CAGE1: variants seen among roughly 807,000 people sequenced by gnomAD.
CAGE1 encodes cancer antigen 1.
Under a neutral mutation model 94.9 loss-of-function variants are expected in CAGE1, and 66 were observed. That is an observed-to-expected ratio of 0.70 (90% CI 0.57 to 0.85). The LOEUF (loss-of-function observed/expected upper bound fraction) is 0.85. CAGE1 is among the 40% of genes least tolerant of loss of function. CAGE1 has a pLI of 0.00. For missense variants in CAGE1, 865 were observed against 950.4 expected (o/e 0.91, Z 1.18); for synonymous variants, 319 against 321.0 (o/e 0.99, Z 0.07).
In CAGE1 at chr6:7,344,453, GCAGGGCAGGATT is replaced by G. The variant is rs1277217825; in HGVS notation, c.2370-10375_2370-10364del. Among the ~76,000 whole-genome samples the G allele has an allele frequency of 1.1e-4, 17 of 152,352 alleles. 1 individual carries two copies. The East Asian group carries it at 3.3e-3, about 29-fold the overall frequency. ...CTCACCGTGCCTTAGCTGCCTTCCC[GCAGGGCAGGATT>G]CGGGACCTACAGCCCGCCATGCCTG... On this transcript the variant is annotated intron_variant, in intron 11 of 13. Coordinates refer to ENST00000502583, the MANE Select transcript of CAGE1 (RefSeq NM_001170692.2).
intron 11 of CAGE1, among the ~76,000 whole-genome samples, chr6:7,334,970 C>A (rs1758899823): frequency 6.6e-6 from 1 of 152,156 alleles, no homozygotes; most frequent in South Asian, 2.1e-4. Context: ...CTTCACCGGC[C>A]TGAAATCAAG....
chr6:7,345,127 C>T (rs575171710), intron 11 of CAGE1, among the ~76,000 whole-genome samples: 2 of 41,604 alleles, frequency 4.8e-5, no homozygotes, highest in Admixed American at 2.7e-4. Context: ...CTCTTTAGAT[C>T]CATATTGCTT....
chr6:7,353,719 A>G (rs1034768894), intron 11 of CAGE1, among the ~76,000 whole-genome samples: 3 of 151,626 alleles, frequency 2.0e-5, no homozygotes, highest in Admixed American at 2.0e-4. Flanking sequence ...ACACACACAC[A>G]CACACACACA....
chr6:7,368,999 T>A (rs1197824447), intron 6 of CAGE1, among the ~76,000 whole-genome samples: 1 of 145,892 alleles, frequency 6.9e-6, no homozygotes, highest in African/African-American at 2.5e-5. Flanking sequence ...GATTTCATTT[T>A]TTTTATTTTA....
intron 9 of CAGE1, among the ~76,000 whole-genome samples, chr6:7,361,005 T>C (rs1009484383): frequency 2.0e-5 from 3 of 151,926 alleles, no homozygotes; most frequent in African/African-American, 7.3e-5. Context: ...CCAGAATATA[T>C]AGAGCAGGTG....
intron 10 of CAGE1, among the ~76,000 whole-genome samples, chr6:7,355,767 C>T (rs557883855): frequency 2.0e-5 from 3 of 152,220 alleles, no homozygotes; most frequent in East Asian, 1.9e-4. Context: ...TTTGGGAGGC[C>T]GAGGCAGAAG....
chr6:7,378,902 A>T lies in CAGE1; in HGVS notation c.402T>A (p.Asp134Glu). Residue 134 changes from aspartate (D) to glutamate (E), a missense_variant, in exon 4 of 14, where the codon GAT becomes GAA. Physicochemically the swap from Asp to Glu is conservative, Grantham distance 45 (BLOSUM62 2). Coordinates refer to ENST00000502583, the MANE Select transcript of CAGE1 (RefSeq NM_001170692.2). Reference sequence around the variant, plus strand: ...ATTCTGGCTTCTCTGTCATTTCATCATCAAATGCTTCTACCCAGTGAAATT... The same window carrying T: ...ATTCTGGCTTCTCTGTCATTTCATCTTCAAATGCTTCTACCCAGTGAAATT... ...VCKFHWVEAFDDEMTEKPEFQ... is the reference protein window; with the variant it reads ...VCKFHWVEAFEDEMTEKPEFQ... 1 of 1,608,998 alleles carries T rather than the reference A, an allele frequency of 6.2e-7. No individual in the cohort carries two copies.
chr6:7,342,685 A>G (rs1272371435), intron 11 of CAGE1, among the ~76,000 whole-genome samples: 2 of 152,128 alleles, frequency 1.3e-5, no homozygotes, highest in Non-Finnish European at 2.9e-5. Flanking sequence ...TTTTTGTTGC[A>G]TTTGCTTTTG....
At chr6:7,334,725 CAAA>C (rs58790989) in intron 11 of CAGE1, among the ~76,000 whole-genome samples, 5 of 67,890 alleles carry the variant, frequency 7.4e-5, no homozygotes, top group African/African-American at 8.2e-5. Flanking sequence ...GACTCTCTCT[CAAA>C]AAAAAAAAAA....
chr6:7,333,628 ATC>A lies in CAGE1; in HGVS notation c.2438+392_2438+393del, dbSNP rs1561846016. Among the ~76,000 whole-genome samples, 88 of 67,766 alleles carry A rather than the reference ATC, an allele frequency of 1.3e-3. 1 individual carries two copies. Among genetic ancestry groups the A allele is most frequent in the Middle Eastern group, 6.7e-3 (1 of 150 alleles). The allele number at this position is 67,766 out of a possible 152,430, so 44.5% of individuals were successfully genotyped here. A position where few individuals can be genotyped will look rare whatever the true frequency, so the allele number is the denominator to read the frequency against. On this transcript the variant is annotated intron_variant, in intron 12 of 13. Coordinates refer to ENST00000502583, the MANE Select transcript of CAGE1 (RefSeq NM_001170692.2). Reference sequence around the variant, plus strand: ...TTTTTTTTTTAAGTATTATCTAACTATCTATCTAACTATCTATATATATATAT... The same window carrying A: ...TTTTTTTTTTAAGTATTATCTAACTATATCTAACTATCTATATATATATAT...
rs1416134932 is a variant in CAGE1, at chr6:7,389,239, C to T, written c.-61G>A. On this transcript the variant is annotated 5_prime_UTR_variant, in exon 1 of 14. Coordinates refer to ENST00000502583, the MANE Select transcript of CAGE1 (RefSeq NM_001170692.2). ...CACTTATCTCATTCATTTTTCACCT[C>T]AAAACGAGACACCAAACTTTTTAAG... The T allele has an allele frequency of 2.2e-6, 1 of 456,196 alleles. No individual in the cohort carries two copies. The highest frequency in any genetic ancestry group is 1.5e-5 in the South Asian group (1 of 64,574). The allele number at this position is 456,196 out of a possible 1,614,324, so 28.3% of individuals were successfully genotyped here. A position where few individuals can be genotyped will look rare whatever the true frequency, so the allele number is the denominator to read the frequency against.
rs1387465918 is a variant in CAGE1 at position 7,389,350 on chromosome 6, T to C, written c.-172A>G. The C allele has an allele frequency of 6.6e-6, 3 of 456,154 alleles. No homozygotes were observed. The East Asian group carries it at 2.1e-4, about 32-fold the overall frequency. 28.3% of individuals were successfully genotyped at this position (456,154 alleles called of 1,614,324 possible). On this transcript the variant is annotated 5_prime_UTR_variant, in exon 1 of 14. Transcript: ENST00000502583. ...CTCTCCCTCCCTCTGCACCGGGTTT[T>C]GTGGGAGGGAGAACGCTTTCCAACC...
In CAGE1 at chr6:7,356,096, C is replaced by T. The variant is rs1340819828; in HGVS notation, c.2227G>A (p.Glu743Lys). 2 of 1,549,944 alleles carry T rather than the reference C, an allele frequency of 1.3e-6. No homozygotes were observed. The highest frequency in any genetic ancestry group is 8.7e-7 in the Non-Finnish European group (1 of 1,145,398). The stretch of plus-strand genomic sequence containing the variant: ...TCAATGAGTCTGTTGCAGTGGTTTT[C>T]TTTTGACTCTAGGAGATGTCCCAGT... ...TKLGHLLESKENHCNRLIEEN... is the reference protein window; with the variant it reads ...TKLGHLLESKKNHCNRLIEEN... The change falls in exon 10 of 14, where the codon GAA becomes AAA. Residue 743 changes from glutamate (E) to lysine (K), a missense_variant. By Grantham distance (56) the Glu-to-Lys change is moderately conservative (BLOSUM62 1). Transcript: ENST00000502583.
rs70978961 is a variant in CAGE1, at chr6:7,367,278, A to ATTTTTTTTTTTTTTTTT, written c.2005-1395_2005-1394insAAAAAAAAAAAAAAAAA. Among the ~76,000 whole-genome samples, 36 of 111,190 alleles carry ATTTTTTTTTTTTTTTTT rather than the reference A, an allele frequency of 3.2e-4. 1 individual carries two copies. Among genetic ancestry groups the ATTTTTTTTTTTTTTTTT allele is most frequent in the South Asian group, 9.1e-4 (3 of 3,296 alleles). The allele number at this position is 111,190 out of a possible 152,430, so 72.9% of individuals were successfully genotyped here. A position where few individuals can be genotyped will look rare whatever the true frequency, so the allele number is the denominator to read the frequency against. On this transcript the variant is annotated intron_variant, in intron 7 of 13. Coordinates refer to ENST00000502583, the MANE Select transcript of CAGE1 (RefSeq NM_001170692.2). ...AATATCTGAAAGAAATATTTGGGGG[A>ATTTTTTTTTTTTTTTTT]TTTTTTTTTTTTTTTTGCTTTTTGT...
In CAGE1 at chr6:7,340,228, T is replaced by C. The variant is rs1045109480; in HGVS notation, c.2370-6138A>G. The stretch of plus-strand genomic sequence containing the variant: ...CCATTTCCATATCTTCTTTTAAGAA[T>C]TGTGTATTCATGTCCTTAGCCCACT... On this transcript the variant is annotated intron_variant, in intron 11 of 13. Transcript: ENST00000502583. Among the ~76,000 whole-genome samples the C allele has an allele frequency of 3.9e-5, 6 of 152,200 alleles. No homozygotes were observed. In the East Asian group the frequency reaches 5.8e-4, roughly 15 times the overall value.
At chr6:7,352,554 C>G (rs1759821967) in intron 11 of CAGE1, among the ~76,000 whole-genome samples, 1 of 152,036 alleles carries the variant, frequency 6.6e-6, no homozygotes. Context: ...TTCTAAAATT[C>G]ATATGGAATC....
Position 7,339,452 on chromosome 6 carries a change from C to A in CAGE1, c.2370-5362G>T, listed in dbSNP as rs1039501670. ...TTTCTGTCCTGGTTGGTGTAACTCG[C>A]ATCTCAACTCCAGAGTAGCCATCTT... On this transcript the variant is annotated intron_variant, in intron 11 of 13. Transcript: ENST00000502583. This position sits in a 1 kb window ranked among gnomAD's most constrained non-coding sequence, Gnocchi z 4.7. 1.5e-5 allele frequency: 18 copies of A among 1,165,444 alleles called. No individual in the cohort carries two copies. The highest frequency in any genetic ancestry group is 2.3e-5 in the East Asian group (1 of 42,906). 72.2% of individuals were successfully genotyped at this position (1,165,444 alleles called of 1,614,324 possible).
intron 11 of CAGE1, among the ~76,000 whole-genome samples, chr6:7,345,208 G>C (rs1215856411): frequency 6.8e-6 from 1 of 148,084 alleles, no homozygotes; most frequent in Admixed American, 6.6e-5. Context: ...TTCACTCTTT[G>C]AAGTTAGTAT....
intron 9 of CAGE1, among the ~76,000 whole-genome samples, chr6:7,363,699 T>C (rs1202230925): frequency 2.0e-5 from 3 of 152,202 alleles, no homozygotes; most frequent in East Asian, 3.9e-4. Flanking sequence ...GTGTGCTTCC[T>C]CTGCACCATG....
Sources: gnomAD v4.1 joint callset for allele counts (sites outside exome capture counted in the v4.1 genomes callset) on GRCh38, gnomAD v4.1.1 for gene constraint, Gnocchi (gnomAD v3.1) non-coding constraint, MANE v1.5 for transcripts, NCBI Gene and HGNC (gene_info 2026-07-23, HGNC 2026-07-21) for gene names.